NIPAL2: variants seen among roughly 807,000 people sequenced by gnomAD.
The protein encoded by NIPAL2 is NIPA like domain containing 2.
In NIPAL2, 43 loss-of-function variants were observed where a neutral mutation model predicts 48.9. The ratio of observed to expected loss-of-function variants is 0.88; its 90% CI spans 0.69 to 1.13. NIPAL2 has a LOEUF of 1.13. Ranked by LOEUF, NIPAL2 falls within the 50% of genes most tolerant of loss-of-function variation. The probability of loss-of-function intolerance (pLI) is 0.00; values close to 1 mark genes in which losing one functional copy is unlikely to be tolerated. For missense variants in NIPAL2, 446 were observed against 461.4 expected (o/e 0.97, Z 0.31); for synonymous variants, 167 against 174.6 (o/e 0.96, Z 0.34).
chr8:98,198,831 C>G (rs943059576), intron 8 of NIPAL2, among the ~76,000 whole-genome samples: 1 of 152,214 alleles, frequency 6.6e-6, no homozygotes, highest in Admixed American at 6.5e-5. Context: ...CTGGTTTGAT[C>G]TGTCCAGACC....
At chr8:98,194,578 C>T (rs1810456722) in intron 10 of NIPAL2, 150 bp downstream of exon 10, 2 of 445,400 alleles carry the variant, frequency 4.5e-6, no homozygotes, top group Admixed American at 8.5e-5. Flanking sequence ...GAAACATTTA[C>T]ACTGAAAATA....
intron 1 of NIPAL2, among the ~76,000 whole-genome samples, chr8:98,284,841 G>C (rs899863931): frequency 6.6e-6 from 1 of 152,082 alleles, no homozygotes; most frequent in East Asian, 1.9e-4. Flanking sequence ...CACTAAACTT[G>C]TCCTACCTAC....
In NIPAL2 at chr8:98,294,145, C is replaced by G. The variant is rs772612480; in HGVS notation, c.-8G>C. The G allele has an allele frequency of 7.2e-7, 1 of 1,384,886 alleles. No homozygotes were observed. The highest frequency in any genetic ancestry group is 1.7e-5 in the South Asian group (1 of 59,960). The allele number at this position is 1,384,886 out of a possible 1,614,324, so 85.8% of individuals were successfully genotyped here. ...GGGCGCCACCGCTGCCATGAGGTCT[C>G]GCTCCCGGCGCTCGGGCTCCGGCTC... On this transcript the variant is annotated 5_prime_UTR_variant, in exon 1 of 11. Transcript: ENST00000430223.
intron 1 of NIPAL2, among the ~76,000 whole-genome samples, chr8:98,257,690 C>T (rs1813989111): frequency 6.6e-6 from 1 of 152,112 alleles, no homozygotes; most frequent in Non-Finnish European, 1.5e-5. Context: ...GACTCAGGCA[C>T]CTTTTTAGGT....
intron 1 of NIPAL2, among the ~76,000 whole-genome samples, chr8:98,265,717 A>G (rs997533052): frequency 6.0e-5 from 8 of 134,392 alleles, no homozygotes; most frequent in Non-Finnish European, 9.5e-5. Flanking sequence ...TGTGGAAGTC[A>G]GTGTGGCGAT....
At chr8:98,218,721 A>G (rs1248441822) in intron 5 of NIPAL2, among the ~76,000 whole-genome samples, 10 of 152,188 alleles carry the variant, frequency 6.6e-5, no homozygotes, top group Non-Finnish European at 1.5e-5. Flanking sequence ...AGGCAGGTAA[A>G]TAGATAAAGA....
intron 1 of NIPAL2, among the ~76,000 whole-genome samples, chr8:98,258,042 G>C (rs1041249721): frequency 1.8e-4 from 28 of 152,136 alleles, no homozygotes; most frequent in Non-Finnish European, 1.2e-4. Flanking sequence ...CTCATATTTG[G>C]CTCAGAATAA....
chr8:98,238,495 G>A (rs1054498436), intron 3 of NIPAL2, among the ~76,000 whole-genome samples: 1 of 152,140 alleles, frequency 6.6e-6, no homozygotes, highest in African/African-American at 2.4e-5. Context: ...TTAAACAGAT[G>A]CTGTGGTTAA....
At chr8:98,259,094 T>TTTTA (rs1814117764) in intron 1 of NIPAL2, among the ~76,000 whole-genome samples, 1 of 117,008 alleles carries the variant, frequency 8.5e-6, no homozygotes, top group African/African-American at 3.2e-5. Flanking sequence ...TTTTTTTTTT[T>TTTTA]GAGACGGAGT....
intron 10 of NIPAL2, 136 bp downstream of exon 10, chr8:98,194,592 C>G (rs1228854474): frequency 2.1e-6 from 1 of 469,560 alleles, no homozygotes; most frequent in East Asian, 3.5e-5. Flanking sequence ...GAAAATAGCA[C>G]CTTTGGTTTC....
chr8:98,203,938 A>G (rs892998687), intron 7 of NIPAL2, among the ~76,000 whole-genome samples: 1 of 152,110 alleles, frequency 6.6e-6, no homozygotes, highest in Non-Finnish European at 1.5e-5. Context: ...CTGCAAGTAC[A>G]TATACGTACA....
chr8:98,262,130 G>A (rs1332709773), intron 1 of NIPAL2, among the ~76,000 whole-genome samples: 24 of 144,874 alleles, frequency 1.7e-4, no homozygotes, highest in South Asian at 1.6e-3. Context: ...TGAAGGAAGC[G>A]CTAAACATGG....
chr8:98,259,070 C>CTTTTTTTTTTTTTT (rs869220202), intron 1 of NIPAL2, among the ~76,000 whole-genome samples: 7 of 41,868 alleles, frequency 1.7e-4, no homozygotes, highest in African/African-American at 6.5e-4. Context: ...TTAAATATTC[C>CTTTTTTTTTTTTTT]TTTTTTTTTT....
Position 98,222,525 on chromosome 8 carries a change from C to G in NIPAL2, c.512G>C (p.Arg171Thr), listed in dbSNP as rs1811947592. 6.2e-7 allele frequency: 1 copy of G among 1,614,122 alleles called. No individual in the cohort carries two copies. The highest frequency in any genetic ancestry group is 8.5e-7 in the Non-Finnish European group (1 of 1,179,966). Residue 171 changes from arginine to threonine, a missense_variant, in exon 5 of 11, where the codon AGA becomes ACA. Transcript: ENST00000430223. Reference sequence around the variant, plus strand: ...TCCGACAAGGTAATACTGTACTGTTCTTGCTGAGATTGCCTGAGTTATATT... The same window carrying G: ...TCCGACAAGGTAATACTGTACTGTTGTTGCTGAGATTGCCTGAGTTATATT... ...APNITQAISARTVQYYLVGWQ... is the reference protein window; with the variant it reads ...APNITQAISATTVQYYLVGWQ...
chr8:98,242,964 A>C (rs1431794034), intron 3 of NIPAL2, among the ~76,000 whole-genome samples: 3 of 152,214 alleles, frequency 2.0e-5, no homozygotes, highest in Non-Finnish European at 4.4e-5. Flanking sequence ...AAAAAATAAA[A>C]AAGTTTGAAA....
At chr8:98,250,629 T>A (rs1271061776) in intron 3 of NIPAL2, among the ~76,000 whole-genome samples, 1 of 152,204 alleles carries the variant, frequency 6.6e-6, no homozygotes, top group Admixed American at 6.5e-5. Context: ...TAGCTAAAAA[T>A]GTTCTGAAGC....
chr8:98,247,106 C>A (rs150013506), intron 3 of NIPAL2, among the ~76,000 whole-genome samples: 1 of 152,164 alleles, frequency 6.6e-6, no homozygotes, highest in Non-Finnish European at 1.5e-5. Context: ...GGCTTATAGA[C>A]CTATGAGTGT....
chr8:98,237,081 G>A (rs1429250896), intron 3 of NIPAL2, among the ~76,000 whole-genome samples: 1 of 151,570 alleles, frequency 6.6e-6, no homozygotes, highest in Non-Finnish European at 1.5e-5. Flanking sequence ...TTTTTTTTGA[G>A]ACAGGGTTTT....
chr8:98,192,888 T>C lies in NIPAL2; in HGVS notation c.*90A>G, dbSNP rs898563866. ...AAATGAATGCTAGCACATGTTAGCTTATAAAAGAGCTGCTGACACAAATTG... is the reference window on the plus strand; with the variant it reads ...AAATGAATGCTAGCACATGTTAGCTCATAAAAGAGCTGCTGACACAAATTG... On this transcript the variant is annotated 3_prime_UTR_variant, in exon 11 of 11. Coordinates refer to ENST00000430223, the MANE Select transcript of NIPAL2 (RefSeq NM_001321635.2). 1.8e-5 allele frequency: 14 copies of C among 796,510 alleles called. No homozygotes were observed. In the African/African-American group the frequency reaches 2.4e-4, roughly 14 times the overall value. 49.3% of individuals were successfully genotyped at this position (796,510 alleles called of 1,614,324 possible).
Sources: gnomAD v4.1 joint callset for allele counts (sites outside exome capture counted in the v4.1 genomes callset) on GRCh38, gnomAD v4.1.1 for gene constraint, MANE v1.5 for transcripts, NCBI Gene and HGNC (gene_info 2026-07-23, HGNC 2026-07-21) for gene names.